The following USP32 variants were observed in gnomAD, a reference collection of about 807,000 sequenced individuals.
USP32 encodes ubiquitin carboxyl-terminal hydrolase 32.
In USP32, 59 loss-of-function variants were observed where a neutral mutation model predicts 204.8. That is an observed-to-expected ratio of 0.29 (90% CI 0.23 to 0.36). The LOEUF is 0.36. USP32 is among the 10% of genes least tolerant of loss of function. The pLI is 1.00. For synonymous variants in USP32, 517 were observed against 678.4 expected (o/e 0.76, Z 3.70); for missense variants, 1,160 against 1,946.4 (o/e 0.60, Z 7.60).
chr17:60,227,395 G>A (rs902991886), intron 12 of USP32, among the ~76,000 whole-genome samples: 9 of 150,232 alleles, frequency 6.0e-5, no homozygotes, highest in East Asian at 2.0e-4. Context: ...TCAGCCTCCC[G>A]AGTAACTGGA....
intron 27 of USP32, among the ~76,000 whole-genome samples, 155 bp downstream of exon 27, chr17:60,198,105 A>G (rs1200633709): frequency 6.6e-6 from 1 of 152,218 alleles, no homozygotes; most frequent in Non-Finnish European, 1.5e-5. Flanking sequence ...TACTCCAAAT[A>G]TCAAACCAAA....
chr17:60,222,677 A>ATTTTTT (rs373799936), intron 14 of USP32, 128 bp from the exon 15 acceptor site: 4 of 471,290 alleles, frequency 8.5e-6, no homozygotes, highest in African/African-American at 2.4e-5. Flanking sequence ...GAAAAACTTA[A>ATTTTTT]TTTTTTTTTT....
At chr17:60,303,084 ACTAT>A (rs1188744180) in intron 2 of USP32, among the ~76,000 whole-genome samples, 5 of 152,170 alleles carry the variant, frequency 3.3e-5, no homozygotes, top group African/African-American at 7.2e-5. Context: ...GATGTCAAAA[ACTAT>A]CTATCTCTAG....
intron 1 of USP32, among the ~76,000 whole-genome samples, chr17:60,373,079 A>G (rs2089471493): frequency 6.6e-6 from 1 of 152,072 alleles, no homozygotes; most frequent in Non-Finnish European, 1.5e-5. Context: ...AGGTGGGAGG[A>G]TAGCTAGAGG....
chr17:60,421,481 G>A lies in USP32; in HGVS notation c.106+765C>T, dbSNP rs1188269953. ...CTGTCGCGAAGGCAGGCGAAGAACA[G>A]GGCCACACTGAGTGGGGACAACTGG... On this transcript the variant is annotated intron_variant, in intron 1 of 3. Transcript: ENST00000588898. 3.0e-6 allele frequency: 3 copies of A among 985,410 alleles called. No homozygotes were observed. The African/African-American group carries it at 5.2e-5, about 17-fold the overall frequency. The allele number at this position is 985,410 out of a possible 1,614,324, so 61.0% of individuals were successfully genotyped here.
At chr17:60,244,039 T>G (rs113139835) in intron 11 of USP32, among the ~76,000 whole-genome samples, 13 of 135,842 alleles carry the variant, frequency 9.6e-5, no homozygotes, top group East Asian at 8.1e-4. Flanking sequence ...GTTTTTTTTT[T>G]TTTTTTTTTT....
chr17:60,218,569 A>G (rs2085164143), intron 16 of USP32, among the ~76,000 whole-genome samples: 1 of 151,920 alleles, frequency 6.6e-6, no homozygotes, highest in East Asian at 1.9e-4. Context: ...TATTGTTAAC[A>G]TAGTCTGAGA....
At chr17:60,318,612 A>G (rs925473148) in intron 2 of USP32, among the ~76,000 whole-genome samples, 184 of 152,336 alleles carry the variant, frequency 1.2e-3, no homozygotes, top group African/African-American at 4.3e-3. Context: ...AGTGGCTTTT[A>G]GCTGCACCCC....
chr17:60,247,536 C>A (rs544419296), intron 11 of USP32, among the ~76,000 whole-genome samples: 1 of 152,188 alleles, frequency 6.6e-6, no homozygotes, highest in East Asian at 1.9e-4. Flanking sequence ...GAACTGGTTT[C>A]ATTCTTCTGC....
intron 9 of USP32, among the ~76,000 whole-genome samples, chr17:60,258,810 A>G (rs551674408): frequency 3.9e-5 from 6 of 152,336 alleles, no homozygotes; most frequent in Non-Finnish European, 8.8e-5. Context: ...ATGCTTCTCT[A>G]TGATAACTAT....
chr17:60,246,296 A>G (rs1482778193), intron 11 of USP32, among the ~76,000 whole-genome samples: 10 of 152,138 alleles, frequency 6.6e-5, no homozygotes. Flanking sequence ...TGCTTGGCCT[A>G]TCTCACTTAA....
At chr17:60,357,207 C>A (rs1452645980) in intron 1 of USP32, among the ~76,000 whole-genome samples, 2 of 152,206 alleles carry the variant, frequency 1.3e-5, no homozygotes, top group African/African-American at 2.4e-5. Flanking sequence ...TCCCAGAACT[C>A]TGAGTGGTCC....
intron 11 of USP32, among the ~76,000 whole-genome samples, chr17:60,248,896 T>G (rs1189865703): frequency 2.0e-5 from 3 of 152,214 alleles, no homozygotes; most frequent in African/African-American, 7.2e-5. Context: ...TAATTTTTTC[T>G]TGTTGAAAAC....
intron 2 of USP32, among the ~76,000 whole-genome samples, chr17:60,304,362 A>ATT (rs546798961): frequency 1.4e-5 from 2 of 145,442 alleles, no homozygotes; most frequent in Admixed American, 6.9e-5. Context: ...TTATTTTTTT[A>ATT]TTTTTTTTTT....
intron 5 of USP32, among the ~76,000 whole-genome samples, chr17:60,287,335 A>G (rs73318832): frequency 0.035 from 5,299 of 152,202 alleles, 318 homozygotes; most frequent in African/African-American, 0.12. Flanking sequence ...TCCCCTTTCA[A>G]GATATCTGGC....
intron 12 of USP32, among the ~76,000 whole-genome samples, chr17:60,231,062 C>T (rs1467709090): frequency 6.6e-6 from 1 of 152,086 alleles, no homozygotes; most frequent in Non-Finnish European, 1.5e-5. Flanking sequence ...GAGAAATGTC[C>T]TCATTTTCTG....
chr17:60,410,457 AG>A (rs1174454103), intron 1 of USP32, among the ~76,000 whole-genome samples: 1 of 152,098 alleles, frequency 6.6e-6, no homozygotes. Flanking sequence ...TCACAAGGTC[AG>A]GAGATTGAGA....
At chr17:60,353,020 A>G (rs2088987085) in intron 1 of USP32, among the ~76,000 whole-genome samples, 1 of 152,228 alleles carries the variant, frequency 6.6e-6, no homozygotes, top group African/African-American at 2.4e-5. Context: ...ATTACATTGT[A>G]TTTACATTTC....
Position 60,360,163 on chromosome 17 carries a change from C to A in USP32, c.59-14555G>T, listed in dbSNP as rs187016163. On this transcript the variant is annotated intron_variant, in intron 1 of 33. Transcript: ENST00000300896. The stretch of plus-strand genomic sequence containing the variant: ...GATTACAAGCGTGAGCCACCGCGCC[C>A]GGCCCTGTAAGACAAAGATCCTTAA... Among the ~76,000 whole-genome samples, 234 of 151,932 alleles carry A rather than the reference C, an allele frequency of 1.5e-3. 2 individuals carry two copies. The highest frequency in any genetic ancestry group is 5.1e-3 in the African/African-American group (212 of 41,522).
Sources: gnomAD v4.1 joint callset for allele counts (sites outside exome capture counted in the v4.1 genomes callset) on GRCh38, gnomAD v4.1.1 for gene constraint, MANE v1.5 for transcripts, NCBI Gene and HGNC (gene_info 2026-07-23, HGNC 2026-07-21) for gene names.